Variants in GALC observed in about 807,000 individuals in gnomAD.
GALC encodes the protein galactocerebrosidase.
GALC carries 77 observed loss-of-function variants against 91.8 expected under a neutral mutation model. The ratio of observed to expected loss-of-function variants is 0.84; its 90% CI spans 0.70 to 1.01. The LOEUF (loss-of-function observed/expected upper bound fraction) is 1.01, where lower values mean the gene tolerates loss of function less well. GALC is among the 50% of genes least tolerant of loss of function. The pLI is 0.00. For synonymous variants in GALC, 357 were observed against 306.7 expected (o/e 1.16, Z -1.71); for missense variants, 882 against 855.9 (o/e 1.03, Z -0.38).
chr14:87,934,186 A>G lies in GALC; in HGVS notation c.*546T>C. The G allele has an allele frequency of 7.2e-7, 1 of 1,397,444 alleles. No homozygotes were observed. The highest frequency in any genetic ancestry group is 9.3e-7 in the Non-Finnish European group (1 of 1,079,620). The allele number at this position is 1,397,444 out of a possible 1,614,324, so 86.6% of individuals were successfully genotyped here. ...TCATCATATCCTGCATTTCAAAAGT[A>G]TCATCTTAAAAAGGAAAATAAAAAA... On this transcript the variant is annotated 3_prime_UTR_variant, in exon 17 of 17. Transcript: ENST00000261304.
intron 10 of GALC, among the ~76,000 whole-genome samples, chr14:87,956,922 C>T (rs549665027): frequency 1.3e-5 from 2 of 149,038 alleles, no homozygotes; most frequent in Admixed American, 1.3e-4. Context: ...TGTATGCCAA[C>T]ATCTATTGTT....
intron 1 of GALC, among the ~76,000 whole-genome samples, chr14:87,990,453 G>A (rs975917395): frequency 6.6e-6 from 1 of 152,178 alleles, no homozygotes; most frequent in African/African-American, 2.4e-5. Context: ...CTGGCACATA[G>A]TAAGTTCTCA....
In GALC at chr14:87,934,812, T is replaced by C. The variant is rs762034337; in HGVS notation, c.1978A>G (p.Lys660Glu). ...GTTCCAATTGCAGCCCAGCCATTCT[T>C]TGGAAAATTCACAGGGATGTCTGTC... ...LWTDIPVNFP[K>E]NGWAAIGTHS... Residue 660 changes from lysine to glutamate, a missense_variant, in exon 17 of 17, where the codon AAG becomes GAG. By Grantham distance (56) the Lys-to-Glu change is moderately conservative. Coordinates refer to ENST00000261304, the MANE Select transcript of GALC (RefSeq NM_000153.4). 6 of 1,613,098 alleles carry C rather than the reference T, an allele frequency of 3.7e-6. No individual in the cohort carries two copies. Among genetic ancestry groups the C allele is most frequent in the Admixed American group, 3.3e-5 (2 of 59,852 alleles).
In GALC at chr14:87,965,568, A is replaced by G. The variant is rs1194954694; in HGVS notation, c.970T>C (p.Leu324=). 1.2e-6 allele frequency: 2 copies of G among 1,613,456 alleles called. No homozygotes were observed. The highest frequency in any genetic ancestry group is 3.3e-5 in the Admixed American group (2 of 59,912). ...CTCCATGGCTCCTGGGCCGTCATCA[A>G]CCCGCATCTCCCATAAGGCAACTGT... is the stretch of plus-strand genomic sequence containing the variant. ...YEQLPYGRCG[L]MTAQEPWSGH... Residue 324 remains leucine (L), a synonymous_variant, in exon 9 of 17, where the codon TTG becomes CTG. Transcript: ENST00000261304.
chr14:87,947,294 G>T (rs1346310454), intron 13 of GALC, among the ~76,000 whole-genome samples: 1 of 151,872 alleles, frequency 6.6e-6, no homozygotes, highest in African/African-American at 2.4e-5. Context: ...AAAAGCACGG[G>T]ATGGTATATA....
chr14:87,947,692 T>C (rs368765971), intron 13 of GALC, 36 bp downstream of exon 13: 16 of 1,593,404 alleles, frequency 1.0e-5, no homozygotes, highest in African/African-American at 2.7e-5. Context: ...CTGTTAAATA[T>C]AGAGACCAAG....
chr14:87,973,701 A>C (rs961371327), intron 7 of GALC, among the ~76,000 whole-genome samples: 6 of 152,242 alleles, frequency 3.9e-5, no homozygotes, highest in African/African-American at 1.4e-4. Flanking sequence ...GAGTATTAGT[A>C]TGAAGCAGTT....
intron 1 of GALC, among the ~76,000 whole-genome samples, chr14:87,989,918 A>G (rs536269644): frequency 6.6e-6 from 1 of 152,288 alleles, no homozygotes; most frequent in Admixed American, 6.5e-5. Context: ...TTTATCCCTT[A>G]TCACTCTCAC....
chr14:87,936,451 G>C (rs1421963538), intron 16 of GALC, among the ~76,000 whole-genome samples: 3 of 151,208 alleles, frequency 2.0e-5, no homozygotes, highest in Non-Finnish European at 4.4e-5. Flanking sequence ...TATTGTCTAT[G>C]GCTTTTTTAC....
At chr14:87,950,987 GTAGC>G in intron 10 of GALC, among the ~76,000 whole-genome samples, 1 of 151,658 alleles carries the variant, frequency 6.6e-6, no homozygotes, top group South Asian at 2.1e-4. Flanking sequence ...TTTTGAATTC[GTAGC>G]TAAACTGTAG....
At chr14:87,943,045 A>C (rs950815402) in intron 14 of GALC, among the ~76,000 whole-genome samples, 1 of 152,072 alleles carries the variant, frequency 6.6e-6, no homozygotes, top group Non-Finnish European at 1.5e-5. Flanking sequence ...GAGAAGATCA[A>C]ACTTTCCTTT....
chr14:87,956,593 T>TATAC (rs140349038), intron 10 of GALC, among the ~76,000 whole-genome samples: 7,335 of 139,076 alleles, frequency 0.053, 273 homozygotes, highest in Middle Eastern at 0.086. Flanking sequence ...ACCATATATA[T>TATAC]ACACACACAC....
chr14:87,935,006 A>C, intron 16 of GALC, 128 bp from the exon 17 acceptor site: 2 of 690,964 alleles, frequency 2.9e-6, no homozygotes, highest in Non-Finnish European at 5.1e-6. Context: ...TAACCACAGC[A>C]AAACACAATT....
intron 8 of GALC, among the ~76,000 whole-genome samples, chr14:87,966,276 T>C (rs1247332819): frequency 6.6e-6 from 1 of 152,194 alleles, no homozygotes; most frequent in Admixed American, 6.6e-5. Context: ...TAAGTAGTAA[T>C]TGGATCTAAT....
At chr14:87,988,246 T>C in intron 2 of GALC, 39 bp from the exon 3 acceptor site, 1 of 1,563,804 alleles carries the variant, frequency 6.4e-7, no homozygotes, top group Non-Finnish European at 8.8e-7. Flanking sequence ...AGTGTTGTAT[T>C]GTATGAAGCT....
chr14:87,955,044 C>T, intron 10 of GALC: 2 of 1,350,224 alleles, frequency 1.5e-6, no homozygotes, highest in Non-Finnish European at 2.1e-6. Flanking sequence ...TCATGGCAGA[C>T]CTGTTACACT....
intron 10 of GALC, among the ~76,000 whole-genome samples, chr14:87,958,276 A>T (rs1885644572): frequency 6.6e-6 from 1 of 152,108 alleles, no homozygotes; most frequent in Non-Finnish European, 1.5e-5. Flanking sequence ...GGAATTCAGC[A>T]TAATCTACTG....
At chr14:87,985,870 T>C (rs1886946910) in intron 4 of GALC, among the ~76,000 whole-genome samples, 3 of 152,282 alleles carry the variant, frequency 2.0e-5, no homozygotes. Context: ...CCAATGATCC[T>C]CCCAATAGAA....
At chr14:87,978,981 T>A (rs1378802257) in intron 6 of GALC, among the ~76,000 whole-genome samples, 4 of 152,152 alleles carry the variant, frequency 2.6e-5, no homozygotes, top group Non-Finnish European at 5.9e-5. Flanking sequence ...ATTAAGGTTA[T>A]CCAATCTGAG....
Sources: gnomAD v4.1 joint callset for allele counts (sites outside exome capture counted in the v4.1 genomes callset) on GRCh38, gnomAD v4.1.1 for gene constraint, MANE v1.5 for transcripts, NCBI Gene and HGNC (gene_info 2026-07-23, HGNC 2026-07-21) for gene names.